The following KIF16B variants were observed in gnomAD, a reference collection of about 807,000 sequenced individuals.
The protein encoded by KIF16B is kinesin-like protein KIF16B.
A neutral mutation model predicts 156.3 loss-of-function variants in KIF16B; 98 were observed. That is an observed-to-expected ratio of 0.63 (90% CI 0.53 to 0.74). The LOEUF (loss-of-function observed/expected upper bound fraction) is 0.74. Among genes scored for constraint, KIF16B ranks in the 30% least tolerant of loss-of-function variants. The probability of loss-of-function intolerance (pLI) is 0.00; values close to 1 mark genes in which losing one functional copy is unlikely to be tolerated. For synonymous variants in KIF16B, 564 were observed against 583.7 expected, an observed-to-expected ratio of 0.97 and a Z score of 0.49; for missense variants, 1,421 against 1,606.5, an observed-to-expected ratio of 0.88 and a Z score of 1.97.
At chr20:16,345,658 C>G (rs1294575747) in intron 23 of KIF16B, among the ~76,000 whole-genome samples, 1 of 152,176 alleles carries the variant, frequency 6.6e-6, no homozygotes, top group Non-Finnish European at 1.5e-5. Context: ...CTAAAAGACA[C>G]GTTAAGAAAC....
At chr20:16,279,918 A>T (rs1224876136) in intron 25 of KIF16B, among the ~76,000 whole-genome samples, 1 of 152,256 alleles carries the variant, frequency 6.6e-6, no homozygotes, top group African/African-American at 2.4e-5. Flanking sequence ...TAATTCAGCA[A>T]GAATTTAGTC....
chr20:16,475,444 C>A (rs2067783166), intron 12 of KIF16B, among the ~76,000 whole-genome samples: 1 of 152,182 alleles, frequency 6.6e-6, no homozygotes, highest in Admixed American at 6.5e-5. Context: ...ATATTCTCCA[C>A]CACTTCTCAA....
chr20:16,326,828 G>C (rs193124556), intron 24 of KIF16B, among the ~76,000 whole-genome samples: 4 of 151,554 alleles, frequency 2.6e-5, no homozygotes, highest in African/African-American at 9.7e-5. Context: ...ACTGGGTATC[G>C]ACCCAGAGGA....
intron 17 of KIF16B, among the ~76,000 whole-genome samples, chr20:16,398,027 C>G (rs1390180784): frequency 6.6e-6 from 1 of 152,168 alleles, no homozygotes; most frequent in Non-Finnish European, 1.5e-5. Flanking sequence ...ATTAAATACA[C>G]AAACATCAAA....
intron 3 of KIF16B, among the ~76,000 whole-genome samples, chr20:16,524,727 G>A (rs991069205): frequency 1.1e-4 from 16 of 152,106 alleles, no homozygotes; most frequent in Non-Finnish European, 1.9e-4. Context: ...ACATGCACAC[G>A]TATGTTTATT....
chr20:16,281,991 T>C (rs896231714), intron 25 of KIF16B, among the ~76,000 whole-genome samples: 1 of 151,902 alleles, frequency 6.6e-6, no homozygotes, highest in East Asian at 1.9e-4. Context: ...ACACCAGTGT[T>C]GGGCTAGGTG....
chr20:16,480,139 A>T (rs148710896), intron 12 of KIF16B, among the ~76,000 whole-genome samples: 1,543 of 152,300 alleles, frequency 0.01, 17 homozygotes, highest in Non-Finnish European at 0.013. Context: ...TTCTGTATAG[A>T]TGTAATATAT....
At chr20:16,570,286 A>G (rs1056826509) in intron 1 of KIF16B, among the ~76,000 whole-genome samples, 1 of 152,220 alleles carries the variant, frequency 6.6e-6, no homozygotes, top group African/African-American at 2.4e-5. Flanking sequence ...GAAAAAGTAG[A>G]AATGAAATGG....
chr20:16,303,508 G>C (rs1298263872), intron 25 of KIF16B, among the ~76,000 whole-genome samples: 6 of 152,234 alleles, frequency 3.9e-5, no homozygotes, highest in Non-Finnish European at 8.8e-5. Context: ...CAATGTGGTA[G>C]AGCAAGCACT....
At chr20:16,488,235 C>T (rs963532484) in intron 12 of KIF16B, among the ~76,000 whole-genome samples, 9 of 152,200 alleles carry the variant, frequency 5.9e-5, no homozygotes, top group Non-Finnish European at 1.2e-4. Context: ...CTGCGAGGAC[C>T]ACTTTGCAGC....
chr20:16,434,928 A>G (rs1415336579), intron 12 of KIF16B, among the ~76,000 whole-genome samples: 4 of 152,216 alleles, frequency 2.6e-5, no homozygotes, highest in Non-Finnish European at 5.9e-5. Flanking sequence ...ATCAGGGCTT[A>G]GAGCACATGC....
At chr20:16,357,621 C>A (rs2064469664) in intron 22 of KIF16B, among the ~76,000 whole-genome samples, 1 of 152,188 alleles carries the variant, frequency 6.6e-6, no homozygotes, top group Admixed American at 6.5e-5. Flanking sequence ...AATAAGCTCC[C>A]TTTCTCCCAG....
chr20:16,274,098 A>G (rs1227037986), intron 25 of KIF16B, among the ~76,000 whole-genome samples: 2 of 151,950 alleles, frequency 1.3e-5, no homozygotes, highest in South Asian at 4.1e-4. Flanking sequence ...CAAAAAAAAA[A>G]GGCCGGCCAT....
At chr20:16,392,682 C>G (rs2022146137) in intron 17 of KIF16B, among the ~76,000 whole-genome samples, 2 of 152,220 alleles carry the variant, frequency 1.3e-5, no homozygotes, top group Non-Finnish European at 2.9e-5. Flanking sequence ...TGCCAGAGGT[C>G]TCAGAGCACC....
At chr20:16,442,085 T>A (rs1319529002) in intron 12 of KIF16B, among the ~76,000 whole-genome samples, 8 of 152,122 alleles carry the variant, frequency 5.3e-5, no homozygotes, top group Non-Finnish European at 1.5e-5. Context: ...CAAATTGACA[T>A]GTGGTTACCA....
Position 16,504,393 on chromosome 20 carries a change from C to T in KIF16B, c.1155G>A (p.Thr385=), listed in dbSNP as rs772999055. 3.1e-6 allele frequency: 5 copies of T among 1,613,920 alleles called. No homozygotes were observed. In the South Asian group the frequency reaches 3.3e-5, roughly 11 times the overall value. The change falls in exon 10 of 26, where the codon ACG becomes ACA. Residue 385 remains threonine, a synonymous_variant. Coordinates refer to ENST00000354981, the MANE Select transcript of KIF16B (RefSeq NM_024704.5). ...CAACCTGATTCCCTTGAGCAAGCAG[C>T]GTTTTCAGTCTGGCTATTTCAGCTC... is the stretch of plus-strand genomic sequence containing the variant. ...ELRAEIARLK[T]LLAQGNQIAL...
intron 12 of KIF16B, among the ~76,000 whole-genome samples, chr20:16,465,767 T>TAA (rs11484109): frequency 1.4e-4 from 21 of 147,288 alleles, no homozygotes; most frequent in African/African-American, 2.5e-4. Flanking sequence ...TCCTCTCACT[T>TAA]AAAAAAAAAA....
chr20:16,394,937 G>A (rs2065455477), intron 17 of KIF16B, among the ~76,000 whole-genome samples: 1 of 151,800 alleles, frequency 6.6e-6, no homozygotes. Flanking sequence ...GAAAGCAAAG[G>A]GGAAAAGTGC....
intron 3 of KIF16B, among the ~76,000 whole-genome samples, chr20:16,518,569 T>C (rs908127042): frequency 1.3e-5 from 2 of 152,222 alleles, no homozygotes; most frequent in African/African-American, 4.8e-5. Context: ...CTGGGTTGAA[T>C]TAAGGAACAG....
Sources: gnomAD v4.1 joint callset for allele counts (sites outside exome capture counted in the v4.1 genomes callset) on GRCh38, gnomAD v4.1.1 for gene constraint, MANE v1.5 for transcripts, NCBI Gene and HGNC (gene_info 2026-07-23, HGNC 2026-07-21) for gene names.